The following LIPI variants were observed in gnomAD, a reference collection of about 807,000 sequenced individuals.
LIPI encodes the protein lipase member I.
In LIPI, 59 loss-of-function variants were observed where a neutral mutation model predicts 50.6. That is an observed-to-expected ratio of 1.16 (90% CI 0.94 to 1.45). The LOEUF (loss-of-function observed/expected upper bound fraction) is 1.45, where lower values mean the gene tolerates loss of function less well. Among genes scored for constraint, LIPI ranks in the 40% most tolerant of loss-of-function variants. LIPI has a pLI of 0.00. For missense variants in LIPI, 586 were observed against 536.3 expected (o/e 1.09, Z -0.92); for synonymous variants, 203 against 178.2 (o/e 1.14, Z -1.11).
intron 9 of LIPI, among the ~76,000 whole-genome samples, chr21:14,128,187 ATG>A (rs2017142932): frequency 6.6e-6 from 1 of 152,072 alleles, no homozygotes; most frequent in Non-Finnish European, 1.5e-5. Context: ...ACTGTAACAT[ATG>A]TGTTTATGAG....
At chr21:14,163,898 T>A (rs1037570649) in intron 6 of LIPI, among the ~76,000 whole-genome samples, 4 of 151,524 alleles carry the variant, frequency 2.6e-5, no homozygotes, top group African/African-American at 9.7e-5. Flanking sequence ...ACAATATAGC[T>A]CCATGAGTAT....
intron 7 of LIPI, among the ~76,000 whole-genome samples, chr21:14,157,020 T>C (rs1293549233): frequency 6.6e-6 from 1 of 151,902 alleles, no homozygotes; most frequent in Non-Finnish European, 1.5e-5. Flanking sequence ...AGTGGAATTA[T>C]GTACTGCAAT....
chr21:14,116,082 TC>T (rs1415711757), intron 9 of LIPI, among the ~76,000 whole-genome samples: 1 of 151,542 alleles, frequency 6.6e-6, no homozygotes, highest in Non-Finnish European at 1.5e-5. Context: ...TGATGAGGAG[TC>T]CTGGGGTAGG....
intron 1 of LIPI, among the ~76,000 whole-genome samples, chr21:14,193,972 G>T (rs946761347): frequency 2.0e-5 from 3 of 151,882 alleles, no homozygotes; most frequent in Admixed American, 2.0e-4. Context: ...AATTAAAACT[G>T]GGCAAAGACT....
rs960036181 is a variant in LIPI, at chr21:14,138,779, T to A, written c.1295+5844A>T. Among the ~76,000 whole-genome samples the A allele has an allele frequency of 2.0e-5, 3 of 152,276 alleles. No individual in the cohort carries two copies. In the Middle Eastern group the frequency reaches 0.01, roughly 518 times the overall value. ...ATTTTTAGCATTGTTAATCAAATTG[T>A]AAATGTCTTCTATAGAAATACATAC... On this transcript the variant is annotated intron_variant, in intron 9 of 9. Coordinates refer to ENST00000681601, the MANE Select transcript of LIPI (RefSeq NM_001302998.2).
chr21:14,148,326 C>G (rs1431233239), intron 8 of LIPI, among the ~76,000 whole-genome samples: 1 of 151,984 alleles, frequency 6.6e-6, no homozygotes, highest in Non-Finnish European at 1.5e-5. Flanking sequence ...ATTCCTGTTT[C>G]CATTTTAAAA....
intron 9 of LIPI, among the ~76,000 whole-genome samples, chr21:14,116,436 T>C (rs2016642419): frequency 1.3e-5 from 2 of 150,972 alleles, no homozygotes; most frequent in African/African-American, 4.9e-5. Context: ...AATCTGAGAG[T>C]GAAAGTGAGA....
chr21:14,174,152 T>C (rs1432033059), intron 4 of LIPI, among the ~76,000 whole-genome samples: 1 of 152,076 alleles, frequency 6.6e-6, no homozygotes, highest in African/African-American at 2.4e-5. Context: ...ACAGGACTGC[T>C]TAGGAATCAG....
At chr21:14,168,651 G>T (rs111614546) in intron 4 of LIPI, among the ~76,000 whole-genome samples, 1 of 152,158 alleles carries the variant, frequency 6.6e-6, no homozygotes, top group Non-Finnish European at 1.5e-5. Context: ...ATACTTTACA[G>T]ACAAGCAAAT....
At chr21:14,126,421 A>C (rs1043269891) in intron 9 of LIPI, among the ~76,000 whole-genome samples, 4 of 152,174 alleles carry the variant, frequency 2.6e-5, no homozygotes, top group Non-Finnish European at 5.9e-5. Flanking sequence ...GTATATGGTT[A>C]AGTGAAATAA....
intron 4 of LIPI, among the ~76,000 whole-genome samples, chr21:14,169,825 C>A (rs2018827418): frequency 1.3e-5 from 2 of 152,228 alleles, no homozygotes; most frequent in South Asian, 4.2e-4. Context: ...AGAGCAAACA[C>A]ATTCATAAGC....
At chr21:14,194,575 A>G (rs2019780273) in intron 1 of LIPI, among the ~76,000 whole-genome samples, 1 of 152,204 alleles carries the variant, frequency 6.6e-6, no homozygotes, top group Non-Finnish European at 1.5e-5. Context: ...ATTCAATTTA[A>G]ATGAGATACC....
chr21:14,196,210 T>G (rs1387095457), intron 1 of LIPI, among the ~76,000 whole-genome samples: 1 of 149,940 alleles, frequency 6.7e-6, no homozygotes, highest in Non-Finnish European at 1.5e-5. Flanking sequence ...GGCATGTCTG[T>G]GTAATTTAAT....
chr21:14,165,175 T>C (rs1568860965), intron 6 of LIPI, 48 bp downstream of exon 6: 2 of 1,367,140 alleles, frequency 1.5e-6, no homozygotes, highest in Middle Eastern at 2.3e-4. Flanking sequence ...AACAATTATG[T>C]TATTCATATT....
intron 8 of LIPI, among the ~76,000 whole-genome samples, chr21:14,147,811 T>C (rs6516632): frequency 0.85 from 129,409 of 152,146 alleles, 55,551 homozygotes; most frequent in East Asian, 0.98. Context: ...ACACACAACA[T>C]GTCTATTCTA....
At chr21:14,167,376 G>A (rs191287520) in intron 4 of LIPI, among the ~76,000 whole-genome samples, 242 of 152,290 alleles carry the variant, frequency 1.6e-3, no homozygotes, top group African/African-American at 5.5e-3. Context: ...CTCCCAGCAC[G>A]CAGCTGGAGA....
At chr21:14,109,220 T>C (rs748158654) in intron 9 of LIPI, 140 bp from the exon 10 acceptor site, 6 of 688,568 alleles carry the variant, frequency 8.7e-6, no homozygotes, top group Non-Finnish European at 1.3e-5. Context: ...GGAACAAATA[T>C]ATGGGATCAT....
chr21:14,169,809 A>T (rs918526842), intron 4 of LIPI, among the ~76,000 whole-genome samples: 1 of 152,130 alleles, frequency 6.6e-6, no homozygotes, highest in African/African-American at 2.4e-5. Context: ...AAGAACTAGA[A>T]AAGCAAGAGC....
intron 9 of LIPI, among the ~76,000 whole-genome samples, chr21:14,120,949 C>A (rs998401904): frequency 6.6e-6 from 1 of 152,132 alleles, no homozygotes; most frequent in Non-Finnish European, 1.5e-5. Context: ...AAGGAAAGGG[C>A]CTACTCAGAC....
Sources: allele counts gnomAD v4.1 joint callset (sites outside exome capture counted in the v4.1 genomes callset), GRCh38; gene constraint gnomAD v4.1.1; transcripts MANE v1.5; gene names NCBI Gene and HGNC (gene_info 2026-07-23, HGNC 2026-07-21).